SLC6A11: variants seen among roughly 807,000 people sequenced by gnomAD.
SLC6A11 encodes sodium- and chloride-dependent GABA transporter 3.
Under a neutral mutation model 74.8 loss-of-function variants are expected in SLC6A11, and 25 were observed. The ratio of observed to expected loss-of-function variants is 0.33; its 90% CI spans 0.24 to 0.47. SLC6A11 has a LOEUF of 0.47. Ranked by LOEUF, SLC6A11 falls within the 20% of genes least tolerant of loss-of-function variation. The pLI is 1.00. For missense variants in SLC6A11, 574 were observed against 837.0 expected, an observed-to-expected ratio of 0.69 and a Z score of 3.88; for synonymous variants, 330 against 330.2, an observed-to-expected ratio of 1.00 and a Z score of 0.01.
At chr3:10,912,047 A>G (rs764275279) in intron 6 of SLC6A11, 43 bp from the exon 7 acceptor site, 3 of 1,346,858 alleles carry the variant, frequency 2.2e-6, no homozygotes, top group Middle Eastern at 1.8e-4. Flanking sequence ...CTCACCACAC[A>G]TCTGACTTCT....
At chr3:10,870,882 T>C (rs1694821194) in intron 5 of SLC6A11, among the ~76,000 whole-genome samples, 1 of 152,214 alleles carries the variant, frequency 6.6e-6, no homozygotes, top group Non-Finnish European at 1.5e-5. Flanking sequence ...GCAGCCTAAC[T>C]CTTTGTCTGC....
At chr3:10,930,821 C>A (rs1264722466) in intron 10 of SLC6A11, among the ~76,000 whole-genome samples, 2 of 152,128 alleles carry the variant, frequency 1.3e-5, no homozygotes, top group East Asian at 3.9e-4. Context: ...TCACATCTGC[C>A]CAAGGGGTGT....
intron 4 of SLC6A11, among the ~76,000 whole-genome samples, chr3:10,834,428 A>G (rs1694340387): frequency 6.6e-6 from 1 of 151,758 alleles, no homozygotes; most frequent in South Asian, 2.1e-4. Context: ...CTCATGAGAA[A>G]TGGCTTCACA....
chr3:10,904,101 A>G (rs999472434), intron 6 of SLC6A11, among the ~76,000 whole-genome samples: 6 of 152,270 alleles, frequency 3.9e-5, no homozygotes, highest in Non-Finnish European at 8.8e-5. Context: ...TGTAAACTGT[A>G]AAGTGCTATC....
At position 10,844,314 on chromosome 3, in the gene SLC6A11, T is replaced by C; in HGVS notation, c.724T>C (p.Cys242Arg). The change falls in exon 5 of 14, where the codon TGT becomes CGT. Residue 242 changes from cysteine (C) to arginine (R), a missense_variant. Transcript: ENST00000254488. ...GGCAGCCTGGACCATCTGTTACTTC[T>C]GTATCTGGAAGGGGACCAAGTCTAC... Reference protein sequence around the residue: ...LLAAWTICYFCIWKGTKSTGK... With the variant: ...LLAAWTICYFRIWKGTKSTGK... 6.2e-7 allele frequency: 1 copy of C among 1,614,202 alleles called. No homozygotes were observed. The highest frequency in any genetic ancestry group is 8.5e-7 in the Non-Finnish European group (1 of 1,180,034).
chr3:10,891,175 C>A (rs1039565991), intron 6 of SLC6A11, among the ~76,000 whole-genome samples: 1 of 152,210 alleles, frequency 6.6e-6, no homozygotes, highest in African/African-American at 2.4e-5. Flanking sequence ...TATTCCTCCT[C>A]CTCCTCAACT....
intron 6 of SLC6A11, among the ~76,000 whole-genome samples, chr3:10,908,070 G>T (rs1224959279): frequency 6.6e-6 from 1 of 152,144 alleles, no homozygotes; most frequent in Non-Finnish European, 1.5e-5. Flanking sequence ...TTTCAAGGCT[G>T]CAGTGAGCCA....
intron 6 of SLC6A11, among the ~76,000 whole-genome samples, chr3:10,881,510 G>A (rs977978386): frequency 6.6e-6 from 1 of 152,204 alleles, no homozygotes; most frequent in East Asian, 1.9e-4. Context: ...GGTCCACTGG[G>A]AAAGTCAGGA....
intron 3 of SLC6A11, among the ~76,000 whole-genome samples, chr3:10,820,382 T>C (rs1694122207): frequency 6.6e-6 from 1 of 152,208 alleles, no homozygotes; most frequent in Admixed American, 6.5e-5. Context: ...GTTTCCAGCC[T>C]ATCTTAAAAA....
Position 10,888,114 on chromosome 3 carries a change from G to A in SLC6A11, c.891+13019G>A, listed in dbSNP as rs144409535. ...ATGAAGAGTATGAGTTTTCAGAGCA[G>A]CATGTGAATGCCTGCTCTTCATTCT... On this transcript the variant is annotated intron_variant, in intron 6 of 13. Coordinates refer to ENST00000254488, the MANE Select transcript of SLC6A11 (RefSeq NM_014229.3). 5.8e-3 allele frequency among the ~76,000 whole-genome samples: 885 copies of A among 152,334 alleles called. 11 individuals are homozygous for A. Among genetic ancestry groups the A allele is most frequent in the Non-Finnish European group, 5.8e-3 (395 of 68,024 alleles).
At position 10,862,011 on chromosome 3, in the gene SLC6A11, T is replaced by A. The variant is rs534691327; in HGVS notation, c.757-12950T>A. On this transcript the variant is annotated intron_variant, in intron 5 of 13. Coordinates refer to ENST00000254488, the MANE Select transcript of SLC6A11 (RefSeq NM_014229.3). ...GCACCTTGCTCTTTCTGGCTCCAAA[T>A]GCGGCCCCTGAGTATGGGATCCCTC... 2.0e-4 allele frequency among the ~76,000 whole-genome samples: 31 copies of A among 152,268 alleles called. No homozygotes were observed. In the South Asian group the frequency reaches 6.2e-3, roughly 31 times the overall value.
At chr3:10,899,974 A>G (rs1490969147) in intron 6 of SLC6A11, among the ~76,000 whole-genome samples, 1 of 152,100 alleles carries the variant, frequency 6.6e-6, no homozygotes, top group Non-Finnish European at 1.5e-5. Flanking sequence ...CTCGCTCACT[A>G]TGTCTGACAG....
In SLC6A11 at chr3:10,926,694, AG is replaced by A. The variant is rs1434021357; in HGVS notation, c.1233+583del. 6.6e-6 allele frequency among the ~76,000 whole-genome samples: 1 copy of A among 152,088 alleles called. No individual in the cohort carries two copies. Among genetic ancestry groups the A allele is most frequent in the African/African-American group, 2.4e-5 (1 of 41,400 alleles). On this transcript the variant is annotated intron_variant, in intron 9 of 13. Transcript: ENST00000254488. This position sits in a 1 kb window ranked among gnomAD's most constrained non-coding sequence, Gnocchi z 5.7. ...GCTTGGCAGCCTCCTTCCCTGGCGA[AG>A]GGGGTAGACCTGGAGCTAGTAACTC...
At chr3:10,854,694 G>A (rs539171890) in intron 5 of SLC6A11, among the ~76,000 whole-genome samples, 16 of 152,302 alleles carry the variant, frequency 1.1e-4, no homozygotes, top group African/African-American at 3.1e-4. Flanking sequence ...GCCAAGACGC[G>A]GATGCAGATC....
At chr3:10,896,874 A>G (rs1448082983) in intron 6 of SLC6A11, among the ~76,000 whole-genome samples, 1 of 152,190 alleles carries the variant, frequency 6.6e-6, no homozygotes, top group East Asian at 1.9e-4. Context: ...AATGCAATAC[A>G]TGTATTAGTC....
At position 10,929,243 on chromosome 3, in the gene SLC6A11, G is replaced by T; in HGVS notation, c.1275G>T (p.Met425Ile). 2 of 1,614,126 alleles carry T rather than the reference G, an allele frequency of 1.2e-6. No individual in the cohort carries two copies. Residue 425 changes from methionine to isoleucine, a missense_variant, in exon 10 of 14, where the codon ATG (methionine) becomes ATT (isoleucine). Met to Ile is a conservative substitution (Grantham distance 10). This residue lies in a region of SLC6A11 where 257 missense variants were observed against 341.5 expected (regional missense o/e 0.75). Coordinates refer to ENST00000254488, the MANE Select transcript of SLC6A11 (RefSeq NM_014229.3). The stretch of plus-strand genomic sequence containing the variant: ...GCCTGGTGACCGCCGTGGTGGACAT[G>T]TACCCCAAGGTTTTCCGGAGGGGTT... The part of the protein sequence containing the change: ...VESLVTAVVD[M>I]YPKVFRRGYR...
At chr3:10,888,793 G>C (rs1040528516) in intron 6 of SLC6A11, among the ~76,000 whole-genome samples, 1 of 152,244 alleles carries the variant, frequency 6.6e-6, no homozygotes, top group Non-Finnish European at 1.5e-5. Context: ...GTATTCTCAG[G>C]CTGTTTTGTT....
chr3:10,854,699 C>G (rs1306501158), intron 5 of SLC6A11, among the ~76,000 whole-genome samples: 3 of 152,218 alleles, frequency 2.0e-5, no homozygotes, highest in African/African-American at 7.2e-5. Context: ...GACGCGGATG[C>G]AGATCTGTCT....
At chr3:10,923,154 A>G (rs1351649706) in intron 8 of SLC6A11, among the ~76,000 whole-genome samples, 2 of 151,900 alleles carry the variant, frequency 1.3e-5, no homozygotes, top group Non-Finnish European at 1.5e-5. Flanking sequence ...TATATTTCCT[A>G]TCTTTGTGTG....
Sources: gnomAD v4.1 joint callset for allele counts (sites outside exome capture counted in the v4.1 genomes callset) on GRCh38, gnomAD v4.1.1 for gene constraint, gnomAD v4.1.1 regional missense constraint, Gnocchi (gnomAD v3.1) non-coding constraint, MANE v1.5 for transcripts, NCBI Gene and HGNC (gene_info 2026-07-23, HGNC 2026-07-21) for gene names.